Variants in PCDH9 observed in about 807,000 individuals in gnomAD.
PCDH9 encodes protocadherin-9.
A neutral mutation model predicts 70.6 loss-of-function variants in PCDH9; 24 were observed. The ratio of observed to expected loss-of-function variants is 0.34; its 90% CI spans 0.25 to 0.48. The LOEUF is 0.48. Ranked by LOEUF, PCDH9 falls within the 20% of genes least tolerant of loss-of-function variation. PCDH9 has a pLI of 0.99. For missense variants in PCDH9, 1,281 were observed against 1,503.6 expected, an observed-to-expected ratio of 0.85 and a Z score of 2.45; for synonymous variants, 562 against 558.5, an observed-to-expected ratio of 1.01 and a Z score of -0.09.
intron 2 of PCDH9, among the ~76,000 whole-genome samples, chr13:66,962,226 T>C (rs549242368): frequency 1.3e-5 from 2 of 152,176 alleles, no homozygotes; most frequent in Non-Finnish European, 2.9e-5. Flanking sequence ...GATGTATGAC[T>C]AAGAATTTTA....
intron 4 of PCDH9, among the ~76,000 whole-genome samples, chr13:66,410,085 A>G (rs1333206314): frequency 2.0e-5 from 3 of 152,158 alleles, no homozygotes; most frequent in African/African-American, 7.2e-5. Context: ...ATAAAGTAAC[A>G]AATATAACAG....
At chr13:66,673,836 C>T (rs2078209058) in intron 3 of PCDH9, among the ~76,000 whole-genome samples, 1 of 152,070 alleles carries the variant, frequency 6.6e-6, no homozygotes, top group South Asian at 2.1e-4. Context: ...CCACAGCATT[C>T]GTTTAAGTAA....
intron 3 of PCDH9, among the ~76,000 whole-genome samples, chr13:66,713,951 T>C (rs1295772194): frequency 6.6e-6 from 1 of 152,092 alleles, no homozygotes; most frequent in African/African-American, 2.4e-5. Context: ...TTGTAACTGA[T>C]GATTTGAACC....
intron 2 of PCDH9, among the ~76,000 whole-genome samples, chr13:67,042,151 G>A (rs892689961): frequency 1.4e-4 from 22 of 152,230 alleles, no homozygotes; most frequent in African/African-American, 3.9e-4. Context: ...CTTGTAGCGT[G>A]AAAGAGAAGT....
chr13:67,125,135 G>A (rs1454078903), intron 2 of PCDH9, among the ~76,000 whole-genome samples: 1 of 152,172 alleles, frequency 6.6e-6, no homozygotes. Context: ...AGAGATGTAT[G>A]AGAATTTCAT....
intron 3 of PCDH9, chr13:66,877,058 G>T (rs2081825587): frequency 7.1e-6 from 1 of 140,478 alleles, no homozygotes; most frequent in Non-Finnish European, 1.5e-5. Flanking sequence ...GAAAAAAAAT[G>T]CATTAACTGA....
At chr13:66,766,628 T>A (rs1453909152) in intron 3 of PCDH9, among the ~76,000 whole-genome samples, 1 of 151,448 alleles carries the variant, frequency 6.6e-6, no homozygotes, top group African/African-American at 2.4e-5. Flanking sequence ...GAAAAAAATG[T>A]AGAGTTGGGA....
At chr13:66,407,398 A>G (rs1957297346) in intron 4 of PCDH9, among the ~76,000 whole-genome samples, 1 of 152,288 alleles carries the variant, frequency 6.6e-6, no homozygotes. Context: ...TTTCTTTGTT[A>G]TTCTAAATTT....
At chr13:67,159,259 C>G (rs907789504) in intron 2 of PCDH9, among the ~76,000 whole-genome samples, 1 of 151,924 alleles carries the variant, frequency 6.6e-6, no homozygotes, top group East Asian at 1.9e-4. Context: ...CTCACGGGTT[C>G]GAGAAAACAA....
intron 4 of PCDH9, among the ~76,000 whole-genome samples, chr13:66,612,069 C>A (rs1343391928): frequency 1.3e-5 from 2 of 152,184 alleles, no homozygotes; most frequent in South Asian, 4.1e-4. Context: ...GTTTTAGAAA[C>A]AAATTTAGTC....
chr13:66,490,208 T>A (rs1959011048), intron 4 of PCDH9, among the ~76,000 whole-genome samples: 1 of 152,234 alleles, frequency 6.6e-6, no homozygotes. Flanking sequence ...GGGTCATAAT[T>A]AGAGATAGAA....
intron 2 of PCDH9, among the ~76,000 whole-genome samples, chr13:67,070,961 T>C (rs1477490164): frequency 6.6e-6 from 1 of 152,182 alleles, no homozygotes; most frequent in East Asian, 1.9e-4. Flanking sequence ...CTAAGTAGTC[T>C]GGCATATATT....
At chr13:66,661,696 AAC>A (rs1208914179) in intron 3 of PCDH9, among the ~76,000 whole-genome samples, 1 of 152,226 alleles carries the variant, frequency 6.6e-6, no homozygotes, top group African/African-American at 2.4e-5. Context: ...AATAAACACA[AAC>A]ACAGATATCC....
intron 3 of PCDH9, among the ~76,000 whole-genome samples, chr13:66,796,895 T>C (rs180840016): frequency 1.3e-5 from 2 of 152,196 alleles, no homozygotes; most frequent in Admixed American, 1.3e-4. Context: ...AAAAAAGAAG[T>C]AAATTTTGAT....
At chr13:66,626,971 G>C (rs975647940) in intron 4 of PCDH9, among the ~76,000 whole-genome samples, 6 of 151,888 alleles carry the variant, frequency 4.0e-5, no homozygotes, top group African/African-American at 1.5e-4. Flanking sequence ...GTGTGTGTGT[G>C]TGTGTGTGTG....
chr13:66,379,664 A>G (rs891660268), intron 4 of PCDH9, among the ~76,000 whole-genome samples: 4 of 152,118 alleles, frequency 2.6e-5, no homozygotes, highest in Non-Finnish European at 4.4e-5. Context: ...GTGCTGTATT[A>G]CCCTGGCATT....
intron 3 of PCDH9, among the ~76,000 whole-genome samples, chr13:66,803,278 A>T (rs917933782): frequency 6.6e-6 from 1 of 152,144 alleles, no homozygotes; most frequent in Admixed American, 6.5e-5. Flanking sequence ...AAATGGTCTG[A>T]TTAAAAGCTA....
At chr13:66,812,254 C>A (rs2080522997) in intron 3 of PCDH9, among the ~76,000 whole-genome samples, 1 of 151,902 alleles carries the variant, frequency 6.6e-6, no homozygotes, top group Non-Finnish European at 1.5e-5. Context: ...ACGTGACAAC[C>A]TATAAAACAT....
rs76256191 is a variant in PCDH9, at chr13:66,352,605, A to G, written c.3341-47577T>C. Reference sequence around the variant, plus strand: ...TGGTGTTTCTTCTTATGAGGACACTAATCTTATCAGATCACTTGCCCCACC... The same window carrying G: ...TGGTGTTTCTTCTTATGAGGACACTGATCTTATCAGATCACTTGCCCCACC... On this transcript the variant is annotated intron_variant, in intron 4 of 4. Coordinates refer to ENST00000377865, the MANE Select transcript of PCDH9 (RefSeq NM_203487.3). Among the ~76,000 whole-genome samples the G allele has an allele frequency of 7.0e-3, 1,059 of 152,226 alleles. 14 individuals are homozygous for G. The highest frequency in any genetic ancestry group is 0.024 in the African/African-American group (997 of 41,546).
Sources: gnomAD v4.1 joint callset for allele counts (sites outside exome capture counted in the v4.1 genomes callset) on GRCh38, gnomAD v4.1.1 for gene constraint, MANE v1.5 for transcripts, NCBI Gene and HGNC (gene_info 2026-07-23, HGNC 2026-07-21) for gene names.